Variants in ARHGAP15 observed in about 807,000 individuals in gnomAD.
ARHGAP15 encodes the protein Rho GTPase activating protein 15.
In ARHGAP15, 51 loss-of-function variants were observed where a neutral mutation model predicts 63.7. The observed-to-expected ratio is 0.80, with a 90% CI of 0.64 to 1.01. ARHGAP15 has a LOEUF of 1.01. Among genes scored for constraint, ARHGAP15 ranks in the 50% least tolerant of loss-of-function variants. The pLI is 0.00. For synonymous variants in ARHGAP15, 191 were observed against 193.8 expected (o/e 0.99, Z 0.12); for missense variants, 560 against 564.6 (o/e 0.99, Z 0.08).
chr2:143,299,857 A>C (rs919626646), intron 6 of ARHGAP15, among the ~76,000 whole-genome samples: 18 of 152,010 alleles, frequency 1.2e-4, no homozygotes, highest in African/African-American at 3.9e-4. Context: ...TATTCATGGA[A>C]TATTTTGGAA....
intron 1 of ARHGAP15, among the ~76,000 whole-genome samples, chr2:143,136,891 AG>A (rs915302382): frequency 1.3e-4 from 20 of 152,078 alleles, no homozygotes; most frequent in African/African-American, 4.6e-4. Context: ...ATTAAGCAAG[AG>A]GTATAGGTAC....
At chr2:143,679,652 T>C (rs932819419) in intron 12 of ARHGAP15, among the ~76,000 whole-genome samples, 3 of 53,662 alleles carry the variant, frequency 5.6e-5, no homozygotes, top group Non-Finnish European at 1.8e-4. Context: ...GGTGCGTGTG[T>C]GCGTGTGTGT....
chr2:143,695,598 G>A (rs974311644), intron 12 of ARHGAP15, among the ~76,000 whole-genome samples: 1 of 152,138 alleles, frequency 6.6e-6, no homozygotes, highest in Non-Finnish European at 1.5e-5. Context: ...GCAGGATATG[G>A]TGGCTCATGT....
At chr2:143,595,458 GC>G (rs764199154) in intron 11 of ARHGAP15, among the ~76,000 whole-genome samples, 22 of 152,066 alleles carry the variant, frequency 1.4e-4, no homozygotes, top group Non-Finnish European at 2.4e-4. Flanking sequence ...TTTACGTAAT[GC>G]CCCGTGGAAT....
chr2:143,645,753 T>C lies in ARHGAP15; in HGVS notation c.1138+21486T>C, dbSNP rs575401709. ...TTGAAGCATCACGTGGTGGCTGTAT[T>C]ATTCAGGAAATTCAGCTTATATTGC... On this transcript the variant is annotated intron_variant, in intron 12 of 13. Transcript: ENST00000295095. 5.9e-5 allele frequency among the ~76,000 whole-genome samples: 9 copies of C among 152,204 alleles called. No homozygotes were observed. The South Asian group carries it at 1.9e-3, about 32-fold the overall frequency.
At chr2:143,149,194 G>A (rs575194924) in intron 1 of ARHGAP15, among the ~76,000 whole-genome samples, 3 of 152,140 alleles carry the variant, frequency 2.0e-5, no homozygotes, top group African/African-American at 7.2e-5. Flanking sequence ...GCAGGGAATG[G>A]GGTTGTGTCA....
At position 143,330,133 on chromosome 2, in the gene ARHGAP15, C is replaced by CAAAAAAAAAA. The variant is rs1558898102; in HGVS notation, c.474+79538_474+79539insAAAAAAAAAA. 8.5e-3 allele frequency among the ~76,000 whole-genome samples: 318 copies of CAAAAAAAAAA among 37,320 alleles called. 45 individuals are homozygous for CAAAAAAAAAA. The highest frequency in any genetic ancestry group is 0.011 in the Non-Finnish European group (219 of 19,140). The allele number at this position is 37,320 out of a possible 152,430, so 24.5% of individuals were successfully genotyped here. A position where few individuals can be genotyped will look rare whatever the true frequency, so the allele number is the denominator to read the frequency against. On this transcript the variant is annotated intron_variant, in intron 6 of 13. Coordinates refer to ENST00000295095, the MANE Select transcript of ARHGAP15 (RefSeq NM_018460.4). ...AAAAAAAAAAAAAAAAAAAAAAAAC[C>CAAAAAAAAAA]AAAAACAAAAAACTAAACTAATGAT...
At chr2:143,547,197 G>C (rs1034923453) in intron 10 of ARHGAP15, among the ~76,000 whole-genome samples, 2 of 152,092 alleles carry the variant, frequency 1.3e-5, no homozygotes, top group African/African-American at 4.8e-5. Context: ...CAAATTCTTA[G>C]CTGAGCTTAG....
At chr2:143,573,651 T>C (rs1696552097) in intron 11 of ARHGAP15, among the ~76,000 whole-genome samples, 1 of 152,174 alleles carries the variant, frequency 6.6e-6, no homozygotes, top group Non-Finnish European at 1.5e-5. Flanking sequence ...CTTCACAGTA[T>C]TGACAGCACA....
intron 6 of ARHGAP15, among the ~76,000 whole-genome samples, chr2:143,264,165 T>C (rs1278608660): frequency 6.6e-6 from 1 of 151,924 alleles, no homozygotes; most frequent in Non-Finnish European, 1.5e-5. Flanking sequence ...GAATATAGCA[T>C]TTCAATCCAT....
intron 6 of ARHGAP15, among the ~76,000 whole-genome samples, chr2:143,282,240 T>C (rs1167731852): frequency 2.6e-5 from 4 of 152,128 alleles, no homozygotes; most frequent in Admixed American, 1.3e-4. Flanking sequence ...ATGTTATAAT[T>C]ACAGAAGCAC....
At chr2:143,690,142 G>A (rs1201889417) in intron 12 of ARHGAP15, among the ~76,000 whole-genome samples, 1 of 152,176 alleles carries the variant, frequency 6.6e-6, no homozygotes, top group Non-Finnish European at 1.5e-5. Context: ...AGACTCTCTG[G>A]TTCAGTACTT....
At chr2:143,497,217 C>T (rs183336665) in intron 9 of ARHGAP15, among the ~76,000 whole-genome samples, 1 of 152,252 alleles carries the variant, frequency 6.6e-6, no homozygotes, top group Non-Finnish European at 1.5e-5. Flanking sequence ...CCCTTCCACC[C>T]CCAACATTGC....
intron 11 of ARHGAP15, chr2:143,587,586 A>G (rs1428060867): frequency 2.9e-6 from 1 of 343,518 alleles, no homozygotes; most frequent in Non-Finnish European, 6.1e-6. Flanking sequence ...AACAAATCAA[A>G]TATATTATGT....
intron 6 of ARHGAP15, among the ~76,000 whole-genome samples, chr2:143,286,538 C>T (rs1682112001): frequency 6.6e-6 from 1 of 152,112 alleles, no homozygotes; most frequent in African/African-American, 2.4e-5. Flanking sequence ...TGTGAGTGTG[C>T]TCACCCATAT....
At chr2:143,309,470 G>T (rs1683335363) in intron 6 of ARHGAP15, among the ~76,000 whole-genome samples, 1 of 151,920 alleles carries the variant, frequency 6.6e-6, no homozygotes, top group Admixed American at 6.6e-5. Context: ...ATGAAGAAAT[G>T]GTACTATACT....
intron 9 of ARHGAP15, among the ~76,000 whole-genome samples, chr2:143,517,371 A>G (rs955426831): frequency 6.6e-6 from 1 of 152,068 alleles, no homozygotes; most frequent in Non-Finnish European, 1.5e-5. Context: ...TTCTCTCTAC[A>G]CTCGATTTTG....
intron 10 of ARHGAP15, among the ~76,000 whole-genome samples, chr2:143,526,203 A>G (rs1402555889): frequency 6.6e-6 from 1 of 151,670 alleles, no homozygotes; most frequent in Non-Finnish European, 1.5e-5. Flanking sequence ...TCAAAAAGAA[A>G]GCTTAAACAT....
intron 6 of ARHGAP15, among the ~76,000 whole-genome samples, chr2:143,264,868 ATAAT>A (rs1468482177): frequency 1.3e-5 from 2 of 152,280 alleles, no homozygotes; most frequent in East Asian, 1.9e-4. Context: ...TCAGCTTCTA[ATAAT>A]TAATTACCAA....
Sources: allele counts gnomAD v4.1 joint callset (sites outside exome capture counted in the v4.1 genomes callset), GRCh38; gene constraint gnomAD v4.1.1; transcripts MANE v1.5; gene names NCBI Gene and HGNC (gene_info 2026-07-23, HGNC 2026-07-21).